The following KIF3A variants were observed in gnomAD, a reference collection of about 807,000 sequenced individuals.
KIF3A encodes kinesin-like protein KIF3A.
In KIF3A, 27 loss-of-function variants were observed where a neutral mutation model predicts 92.6. That is an observed-to-expected ratio of 0.29 (90% CI 0.21 to 0.40). The LOEUF is 0.40. Among genes scored for constraint, KIF3A ranks in the 10% least tolerant of loss-of-function variants. KIF3A has a pLI of 1.00. For missense variants in KIF3A, 581 were observed against 872.6 expected, an observed-to-expected ratio of 0.67 and a Z score of 4.21; for synonymous variants, 250 against 275.4, an observed-to-expected ratio of 0.91 and a Z score of 0.92.
intron 12 of KIF3A, 64 bp from the exon 13 acceptor site, chr5:132,703,129 C>A: frequency 7.1e-7 from 1 of 1,401,872 alleles, no homozygotes; most frequent in Non-Finnish European, 9.7e-7. Flanking sequence ...AATATCATTT[C>A]CCAAAATTTA....
chr5:132,691,234 G>C (rs1449972214), downstream of KIF3A, among the ~76,000 whole-genome samples: 1 of 152,168 alleles, frequency 6.6e-6, no homozygotes, highest in Non-Finnish European at 1.5e-5. Flanking sequence ...ATAATGAAAA[G>C]GATAACAAAA....
intron 2 of KIF3A, among the ~76,000 whole-genome samples, chr5:132,729,156 A>C (rs1411947879): frequency 5.9e-5 from 9 of 152,102 alleles, no homozygotes; most frequent in Non-Finnish European, 8.8e-5. Context: ...TGAGAGATAA[A>C]AGACTACACA....
intron 2 of KIF3A, among the ~76,000 whole-genome samples, chr5:132,728,448 A>G (rs1383259300): frequency 1.3e-5 from 2 of 152,172 alleles, no homozygotes; most frequent in Admixed American, 1.3e-4. Context: ...AAAGATAATA[A>G]ACTATGGCCA....
intron 14 of KIF3A, 26 bp downstream of exon 14, chr5:132,702,532 A>T (rs759766602): frequency 7.5e-7 from 1 of 1,328,286 alleles, no homozygotes; most frequent in South Asian, 1.3e-5. Context: ...GAACTGCATT[A>T]GTAGGTAATT....
At chr5:132,733,871 C>T (rs1338521723) in intron 2 of KIF3A, among the ~76,000 whole-genome samples, 2 of 152,116 alleles carry the variant, frequency 1.3e-5, no homozygotes, top group Admixed American at 1.3e-4. Flanking sequence ...TATGAAAATC[C>T]TAGCAGGATA....
At chr5:132,702,734 C>A (rs527634276) in intron 13 of KIF3A, 66 bp from the exon 14 acceptor site, 1 of 1,353,446 alleles carries the variant, frequency 7.4e-7, no homozygotes, top group Non-Finnish European at 1.0e-6. Flanking sequence ...AATTCTTTAA[C>A]AAATGACATA....
intron 4 of KIF3A, chr5:132,723,188 T>C (rs1021352233): frequency 3.4e-4 from 51 of 152,174 alleles, no homozygotes; most frequent in African/African-American, 1.2e-3. Context: ...TGCTCACGGA[T>C]AGGAAGAATC....
At chr5:132,707,000 G>C (rs1051755820) in intron 10 of KIF3A, among the ~76,000 whole-genome samples, 3 of 152,012 alleles carry the variant, frequency 2.0e-5, no homozygotes, top group African/African-American at 4.8e-5. Flanking sequence ...ACAAAAACCT[G>C]AACCAATCCA....
intron 14 of KIF3A, 32 bp from the exon 15 acceptor site, chr5:132,702,244 A>T (rs1236066821): frequency 6.2e-7 from 1 of 1,608,190 alleles, no homozygotes; most frequent in East Asian, 2.2e-5. Context: ...TATTATGAAC[A>T]AACAAGACTT....
At chr5:132,734,974 A>C (rs906769106) in intron 1 of KIF3A, among the ~76,000 whole-genome samples, 3 of 152,244 alleles carry the variant, frequency 2.0e-5, no homozygotes, top group Non-Finnish European at 4.4e-5. Flanking sequence ...GAAAACAATA[A>C]TAAGATAAAG....
Position 132,702,176 on chromosome 5 carries a change from C to A in KIF3A, c.1795G>T (p.Glu599Ter). Residue 599 changes from glutamate to a stop codon, truncating the protein, a stop_gained, in exon 15 of 19, where the codon GAA becomes TAA. Coordinates refer to ENST00000403231, the MANE Select transcript of KIF3A (RefSeq NM_001300791.2). LOFTEE classifies it high-confidence loss of function. Reference sequence around the variant, plus strand: ...TGCCGAATGTTCTCCAGTAGGCCTTCAATTTCCCTCTGATGTTCTTGTTGG... The same window carrying A: ...TGCCGAATGTTCTCCAGTAGGCCTTAAATTTCCCTCTGATGTTCTTGTTGG... ...DLQQEHQREI[E>*]GLLENIRQLS... is the part of the protein sequence containing the mutation. 1 of 1,613,800 alleles carries A rather than the reference C, an allele frequency of 6.2e-7. No individual in the cohort carries two copies.
chr5:132,696,632 A>T lies in KIF3A; in HGVS notation c.*2T>A. ...TTTATTGTGACTTTAAGTCTGTAAC[A>T]TTTACTGCAGTAAAGAGTCAATTAC... On this transcript the variant is annotated 3_prime_UTR_variant, in exon 19 of 19. Coordinates refer to ENST00000403231, the MANE Select transcript of KIF3A (RefSeq NM_001300791.2). 6.3e-7 allele frequency: 1 copy of T among 1,590,688 alleles called. No homozygotes were observed. Among genetic ancestry groups the T allele is most frequent in the East Asian group, 2.2e-5 (1 of 44,724 alleles).
intron 8 of KIF3A, among the ~76,000 whole-genome samples, chr5:132,713,831 G>A (rs971054876): frequency 4.0e-5 from 6 of 151,298 alleles, no homozygotes; most frequent in African/African-American, 9.7e-5. Context: ...GACCCTTGAA[G>A]GCATTATACT....
intron 8 of KIF3A, among the ~76,000 whole-genome samples, chr5:132,713,897 T>TC (rs200294635): frequency 0.062 from 8,550 of 138,782 alleles, 356 homozygotes; most frequent in Non-Finnish European, 0.09. Context: ...TTCTTTTTTT[T>TC]TTTTTTTTTT....
downstream of KIF3A, among the ~76,000 whole-genome samples, chr5:132,688,873 G>A (rs1424760786): frequency 6.6e-6 from 1 of 152,162 alleles, no homozygotes; most frequent in African/African-American, 2.4e-5. Flanking sequence ...TGCACAACTG[G>A]AGAAATAAAG....
At position 132,693,234 on chromosome 5, in the gene KIF3A, T is replaced by C. The variant is rs575059179; in HGVS notation, c.*3400A>G. 2 of 152,200 alleles carry C rather than the reference T, an allele frequency of 1.3e-5. No individual in the cohort carries two copies. Among genetic ancestry groups the C allele is most frequent in the Admixed American group, 6.5e-5 (1 of 15,288 alleles). The allele number at this position is 152,200 out of a possible 1,614,324, so 9.4% of individuals were successfully genotyped here. A position where few individuals can be genotyped will look rare whatever the true frequency, so the allele number is the denominator to read the frequency against. ...GAAATGGCTTGTCAAATGGATTCTATTCATGGGGCAAACATGGAGATGCGA... is the reference window on the plus strand; with the variant it reads ...GAAATGGCTTGTCAAATGGATTCTACTCATGGGGCAAACATGGAGATGCGA... On this transcript the variant is annotated 3_prime_UTR_variant, in exon 19 of 19. Transcript: ENST00000403231.
chr5:132,703,175 T>A lies in KIF3A; in HGVS notation c.1467-110A>T, dbSNP rs141535997. On this transcript the variant is annotated intron_variant, in intron 12 of 18. Transcript: ENST00000403231. ...ATACAATTTCAAAATAGAAATATAA[T>A]TATGTAACATCTCTGCCAAATTACA... 1.3e-3 allele frequency: 1,190 copies of A among 929,414 alleles called. 10 individuals are homozygous for A. In the African/African-American group the frequency reaches 0.018, roughly 14 times the overall value. The allele number at this position is 929,414 out of a possible 1,614,324, so 57.6% of individuals were successfully genotyped here.
chr5:132,700,105 C>G, intron 17 of KIF3A, 111 bp downstream of exon 17: 1 of 660,582 alleles, frequency 1.5e-6, no homozygotes, highest in Non-Finnish European at 2.6e-6. Context: ...CATTTTTCAG[C>G]AGAGCTGATT....
intron 18 of KIF3A, chr5:132,697,748 CA>C (rs887497659): frequency 6.6e-6 from 1 of 151,838 alleles, no homozygotes; most frequent in Non-Finnish European, 1.5e-5. Flanking sequence ...GACTCCATCT[CA>C]AAAAAAAGAA....
Sources: allele counts gnomAD v4.1 joint callset (sites outside exome capture counted in the v4.1 genomes callset), GRCh38; gene constraint gnomAD v4.1.1; transcripts MANE v1.5; gene names NCBI Gene and HGNC (gene_info 2026-07-23, HGNC 2026-07-21).